ALDH5A1: variants seen among roughly 807,000 people sequenced by gnomAD.
ALDH5A1 encodes the protein aldehyde dehydrogenase 5 family member A1, also known as succinate-semialdehyde dehydrogenase, mitochondrial.
A neutral mutation model predicts 54.7 loss-of-function variants in ALDH5A1; 33 were observed. The ratio of observed to expected loss-of-function variants is 0.60; its 90% CI spans 0.46 to 0.81. The LOEUF is 0.81. Ranked by LOEUF, ALDH5A1 falls within the 30% of genes least tolerant of loss-of-function variation. The pLI is 0.00. For missense variants in ALDH5A1, 657 were observed against 711.0 expected (o/e 0.92, Z 0.86); for synonymous variants, 294 against 292.7 (o/e 1.00, Z -0.05).
Position 24,533,638 on chromosome 6 carries a change from C to T in ALDH5A1, c.1534C>T (p.Leu512Phe). 3 of 1,614,052 alleles carry T rather than the reference C, an allele frequency of 1.9e-6. No homozygotes were observed. Among genetic ancestry groups the T allele is most frequent in the South Asian group, 1.1e-5 (1 of 91,058 alleles). Residue 512 changes from leucine to phenylalanine, a missense_variant, in exon 10 of 10, where the codon CTT becomes TTT. Coordinates refer to ENST00000357578, the MANE Select transcript of ALDH5A1 (RefSeq NM_001080.3). Reference sequence around the variant, plus strand: ...TTTTGGTGGAGTGAAGCAGTCCGGCCTTGGGCGAGAGGGGTCCAAGTATGG... The same window carrying T: ...TTTTGGTGGAGTGAAGCAGTCCGGCTTTGGGCGAGAGGGGTCCAAGTATGG... The part of the protein sequence containing the change: ...CPFGGVKQSG[L>F]GREGSKYGID...
intron 4 of ALDH5A1, among the ~76,000 whole-genome samples, chr6:24,512,171 T>C (rs1469655837): frequency 1.3e-5 from 2 of 152,230 alleles, no homozygotes; most frequent in Non-Finnish European, 2.9e-5. Flanking sequence ...CACAGAGTCC[T>C]GTGATGTGAA....
At position 24,520,395 on chromosome 6, in the gene ALDH5A1, T is replaced by C. The variant is rs1399527090; in HGVS notation, c.871-6T>C. The C allele has an allele frequency of 2.5e-6, 4 of 1,614,002 alleles. No homozygotes were observed. The highest frequency in any genetic ancestry group is 3.4e-6 in the Non-Finnish European group (4 of 1,180,008). ...GTGCTCACAGCTTTCTCTCCTCTGC[T>C]CACAGATCCTGTTGCACCACGCAGC... On this transcript the variant is annotated splice_region_variant and splice_polypyrimidine_tract_variant and intron_variant, in intron 5 of 9. Transcript: ENST00000357578.
chr6:24,528,011 G>A lies in ALDH5A1; in HGVS notation c.1188G>A (p.Val396=), dbSNP rs534575798. 53 of 1,613,888 alleles carry A rather than the reference G, an allele frequency of 3.3e-5. No individual in the cohort carries two copies. The South Asian group carries it at 4.4e-4, about 13-fold the overall frequency. The change falls in exon 8 of 10, where the codon GTG becomes GTA. Residue 396 remains valine (V), a synonymous_variant. Coordinates refer to ENST00000357578, the MANE Select transcript of ALDH5A1 (RefSeq NM_001080.3). ...EKAVEKVEKQ[V]NDAVSKGATV... ...TCATTACACAGGTGGAGAAACAGGT[G>A]AATGATGCCGTTTCTAAAGGTGCCA...
intron 7 of ALDH5A1, among the ~76,000 whole-genome samples, chr6:24,525,147 A>G (rs1319848625): frequency 6.6e-6 from 1 of 152,232 alleles, no homozygotes; most frequent in Non-Finnish European, 1.5e-5. Context: ...GTTCTAGGAA[A>G]AAAACACTGC....
chr6:24,526,950 T>TA, intron 7 of ALDH5A1, among the ~76,000 whole-genome samples: 1 of 38,764 alleles, frequency 2.6e-5, no homozygotes, highest in Non-Finnish European at 6.7e-5. Flanking sequence ...TATATATATA[T>TA]CTAATATATA....
chr6:24,503,223 T>C, intron 2 of ALDH5A1, 40 bp from the exon 3 acceptor site: 1 of 1,604,620 alleles, frequency 6.2e-7, no homozygotes, highest in Non-Finnish European at 8.5e-7. Context: ...GCTTTTATTA[T>C]TAGAAGGTAA....
In ALDH5A1 at chr6:24,522,844, G is replaced by T. The variant is rs774337000; in HGVS notation, c.1092G>T (p.Met364Ile). ...TTGTAAAAGCATTCGCCGAGGCCAT[G>T]AAGAAGAACCTGCGCGTAGGTAATG... ...DAFVKAFAEA[M>I]KKNLRVGNGF... is the part of the protein sequence containing the mutation. The change falls in exon 7 of 10, where the codon ATG becomes ATT. Residue 364 changes from methionine to isoleucine, a missense_variant. Physicochemically the swap from Met to Ile is conservative, Grantham distance 10. Around this residue, in one of 2 missense-constraint regions of ALDH5A1, gnomAD observed 425 missense variants for 516.4 expected, o/e 0.82. Coordinates refer to ENST00000357578, the MANE Select transcript of ALDH5A1 (RefSeq NM_001080.3). 1.2e-6 allele frequency: 2 copies of T among 1,614,148 alleles called. No individual in the cohort carries two copies. The highest frequency in any genetic ancestry group is 2.2e-5 in the South Asian group (2 of 91,074).
chr6:24,519,023 TATG>T (rs1433249779), intron 5 of ALDH5A1, among the ~76,000 whole-genome samples: 2 of 152,236 alleles, frequency 1.3e-5, no homozygotes, highest in African/African-American at 4.8e-5. Context: ...CCAAAAGCCT[TATG>T]ATTATACATT....
intron 8 of ALDH5A1, among the ~76,000 whole-genome samples, chr6:24,530,253 C>G (rs1295363651): frequency 6.6e-6 from 1 of 152,134 alleles, no homozygotes; most frequent in Non-Finnish European, 1.5e-5. Flanking sequence ...AGATCTTTAT[C>G]TCAACAATTG....
chr6:24,504,609 A>G (rs1447967394), intron 3 of ALDH5A1, among the ~76,000 whole-genome samples: 1 of 152,270 alleles, frequency 6.6e-6, no homozygotes, highest in African/African-American at 2.4e-5. Context: ...CCTTCACAGA[A>G]AAAGTTGGCT....
intron 4 of ALDH5A1, chr6:24,511,893 G>T: frequency 1.7e-6 from 1 of 594,798 alleles, no homozygotes; most frequent in Non-Finnish European, 3.1e-6. Context: ...TTTTTGGGGG[G>T]TGTTAAAGAA....
At chr6:24,516,092 T>A (rs992709370) in intron 5 of ALDH5A1, among the ~76,000 whole-genome samples, 5 of 152,164 alleles carry the variant, frequency 3.3e-5, no homozygotes, top group African/African-American at 1.2e-4. Context: ...TGTTCTTTGC[T>A]AAAAACTTAA....
chr6:24,532,105 C>T lies in ALDH5A1; in HGVS notation c.1344-14C>T. On this transcript the variant is annotated splice_polypyrimidine_tract_variant and intron_variant, in intron 8 of 9. Transcript: ENST00000357578. ...CCCCCTTACATTTTTTATGACCTATCTTAACTTTGGCAGGTTCGATACAGA... is the reference window on the plus strand; with the variant it reads ...CCCCCTTACATTTTTTATGACCTATTTTAACTTTGGCAGGTTCGATACAGA... 1.2e-6 allele frequency: 2 copies of T among 1,613,768 alleles called. No homozygotes were observed. The highest frequency in any genetic ancestry group is 4.5e-5 in the East Asian group (2 of 44,878).
rs138664405 is a variant in ALDH5A1 at position 24,527,435 on chromosome 6, G to A, written c.1174-562G>A. Among the ~76,000 whole-genome samples the A allele has an allele frequency of 3.6e-3, 543 of 152,180 alleles. 1 individual carries two copies. Among genetic ancestry groups the A allele is most frequent in the African/African-American group, 0.012 (505 of 41,520 alleles). On this transcript the variant is annotated intron_variant, in intron 7 of 9. Coordinates refer to ENST00000357578, the MANE Select transcript of ALDH5A1 (RefSeq NM_001080.3). ...AAAAATACAAAAATTAGCCGGGCGCGGTGGTGGGTGCCTATAATCCTAGCT... is the reference window on the plus strand; with the variant it reads ...AAAAATACAAAAATTAGCCGGGCGCAGTGGTGGGTGCCTATAATCCTAGCT...
chr6:24,519,552 G>A (rs979818103), intron 5 of ALDH5A1, among the ~76,000 whole-genome samples: 32 of 152,084 alleles, frequency 2.1e-4, no homozygotes, highest in Admixed American at 3.3e-4. Context: ...GCAACAGAGC[G>A]AGACTCCATC....
chr6:24,512,126 C>G (rs1759471724), intron 4 of ALDH5A1, among the ~76,000 whole-genome samples: 1 of 152,182 alleles, frequency 6.6e-6, no homozygotes, highest in Non-Finnish European at 1.5e-5. Flanking sequence ...CCCAGCAAGT[C>G]TACCAGGCTC....
intron 1 of ALDH5A1, among the ~76,000 whole-genome samples, chr6:24,500,084 G>A (rs1561868321): frequency 6.6e-6 from 1 of 152,138 alleles, no homozygotes; most frequent in African/African-American, 2.4e-5. Context: ...TTGTGATTAC[G>A]GGCATGAGCC....
intron 4 of ALDH5A1, among the ~76,000 whole-genome samples, chr6:24,507,648 T>C (rs1759384171): frequency 6.6e-6 from 1 of 152,014 alleles, no homozygotes; most frequent in Non-Finnish European, 1.5e-5. Context: ...TGGTTTGGTT[T>C]TACTCCCTTA....
At chr6:24,499,881 G>T (rs1004945426) in intron 1 of ALDH5A1, among the ~76,000 whole-genome samples, 12 of 152,146 alleles carry the variant, frequency 7.9e-5, no homozygotes, top group Non-Finnish European at 1.8e-4. Context: ...GGATGGTCTG[G>T]ATCTCATGAC....
Sources: allele counts gnomAD v4.1 joint callset (sites outside exome capture counted in the v4.1 genomes callset), GRCh38; gene constraint gnomAD v4.1.1; regional missense constraint gnomAD v4.1.1; transcripts MANE v1.5; gene names NCBI Gene and HGNC (gene_info 2026-07-23, HGNC 2026-07-21).